The following GABRB1 variants were observed in gnomAD, a reference collection of about 807,000 sequenced individuals.
GABRB1 encodes gamma-aminobutyric acid receptor subunit beta-1.
A neutral mutation model predicts 51.6 loss-of-function variants in GABRB1; 17 were observed. That is an observed-to-expected ratio of 0.33 (90% confidence interval 0.23 to 0.49). The LOEUF is 0.49. Among genes scored for constraint, GABRB1 ranks in the 20% least tolerant of loss-of-function variants. GABRB1 has a pLI of 0.99. For synonymous variants in GABRB1, 247 were observed against 218.9 expected (o/e 1.13, Z -1.14); for missense variants, 410 against 600.6 (o/e 0.68, Z 3.32).
chr4:47,160,486 G>T (rs1311543837), intron 3 of GABRB1, among the ~76,000 whole-genome samples: 1 of 152,112 alleles, frequency 6.6e-6, no homozygotes, highest in Admixed American at 6.6e-5. Flanking sequence ...TCATTCAAAA[G>T]AATTTGGGGT....
intron 4 of GABRB1, among the ~76,000 whole-genome samples, chr4:47,181,148 G>A (rs1165032310): frequency 6.6e-6 from 1 of 151,802 alleles, no homozygotes; most frequent in African/African-American, 2.4e-5. Flanking sequence ...TCCTTTTATA[G>A]CTCCTACTAG....
intron 7 of GABRB1, among the ~76,000 whole-genome samples, chr4:47,404,642 A>G (rs1728509613): frequency 2.0e-5 from 3 of 152,310 alleles, no homozygotes; most frequent in Middle Eastern, 3.4e-3. Context: ...ACTACAGCTT[A>G]TTTGTAATGG....
intron 3 of GABRB1, among the ~76,000 whole-genome samples, chr4:47,108,991 A>T (rs1714028417): frequency 6.6e-6 from 1 of 152,062 alleles, no homozygotes. Context: ...TATTACTTTG[A>T]GCTGCTTTGG....
intron 3 of GABRB1, among the ~76,000 whole-genome samples, chr4:47,042,050 C>A (rs1050209969): frequency 6.6e-6 from 1 of 151,964 alleles, no homozygotes; most frequent in Non-Finnish European, 1.5e-5. Flanking sequence ...GTCTTCCTAA[C>A]CTTGCCTTTA....
At chr4:47,140,376 A>G (rs1209723471) in intron 3 of GABRB1, among the ~76,000 whole-genome samples, 1 of 151,994 alleles carries the variant, frequency 6.6e-6, no homozygotes, top group Non-Finnish European at 1.5e-5. Context: ...ATGACTTTGC[A>G]TGGTACAGAT....
intron 4 of GABRB1, among the ~76,000 whole-genome samples, chr4:47,253,885 G>C (rs187638735): frequency 3.3e-5 from 5 of 152,232 alleles, no homozygotes; most frequent in Admixed American, 2.6e-4. Flanking sequence ...ATAGTTAATG[G>C]AATGGTAATT....
chr4:47,418,953 A>G (rs899533580), intron 8 of GABRB1, among the ~76,000 whole-genome samples: 3 of 152,228 alleles, frequency 2.0e-5, no homozygotes, highest in African/African-American at 4.8e-5. Flanking sequence ...TGTGAGCATG[A>G]ATATAATGTT....
chr4:47,394,730 A>G (rs1728122897), intron 5 of GABRB1, among the ~76,000 whole-genome samples: 1 of 151,706 alleles, frequency 6.6e-6, no homozygotes, highest in Non-Finnish European at 1.5e-5. Flanking sequence ...TTTTCATCAC[A>G]TTAAAAAAAA....
Position 47,334,700 on chromosome 4 carries a change from G to T in GABRB1, c.544+14491G>T, listed in dbSNP as rs375514470. On this transcript the variant is annotated intron_variant, in intron 5 of 8. Coordinates refer to ENST00000295454, the MANE Select transcript of GABRB1 (RefSeq NM_000812.4). ...GAAGGAGCACATAGTTTACACCTCC[G>T]CTATCTAGAGGTCTGCAATTTAATG... Among the ~76,000 whole-genome samples, 4 of 152,250 alleles carry T rather than the reference G, an allele frequency of 2.6e-5. No individual in the cohort carries two copies. The East Asian group carries it at 7.7e-4, about 29-fold the overall frequency.
intron 4 of GABRB1, among the ~76,000 whole-genome samples, chr4:47,234,854 G>A (rs2109840164): frequency 6.6e-6 from 1 of 152,262 alleles, no homozygotes; most frequent in Non-Finnish European, 1.5e-5. Flanking sequence ...CCCTTTAGCA[G>A]AAAACAATCA....
chr4:47,301,160 A>G (rs4235145), intron 4 of GABRB1, among the ~76,000 whole-genome samples: 147,604 of 152,206 alleles, frequency 0.97, 71,678 homozygotes, highest in East Asian at 1. Flanking sequence ...TTTCATTTCT[A>G]GGAACCAAAA....
At chr4:47,401,015 G>A (rs1054117631) in intron 5 of GABRB1, among the ~76,000 whole-genome samples, 8 of 136,156 alleles carry the variant, frequency 5.9e-5, no homozygotes, top group African/African-American at 1.7e-4. Context: ...TGCAAGCTCC[G>A]CCTCCGGGGT....
chr4:47,278,020 C>T (rs1034699967), intron 4 of GABRB1, among the ~76,000 whole-genome samples: 8 of 151,998 alleles, frequency 5.3e-5, no homozygotes, highest in African/African-American at 1.9e-4. Context: ...ATAGCCCTGC[C>T]CTGAAGCCCC....
chr4:47,415,224 G>T (rs1728872315), intron 8 of GABRB1, among the ~76,000 whole-genome samples: 1 of 152,202 alleles, frequency 6.6e-6, no homozygotes, highest in Non-Finnish European at 1.5e-5. Flanking sequence ...GAATAAAAGA[G>T]GAGGGAGAGG....
At chr4:47,371,304 A>T (rs1727185009) in intron 5 of GABRB1, among the ~76,000 whole-genome samples, 1 of 152,144 alleles carries the variant, frequency 6.6e-6, no homozygotes, top group East Asian at 1.9e-4. Flanking sequence ...TCCATGGTGT[A>T]TATGTACCAC....
chr4:47,351,444 A>C (rs1021179012), intron 5 of GABRB1, among the ~76,000 whole-genome samples: 14 of 152,120 alleles, frequency 9.2e-5, no homozygotes, highest in Non-Finnish European at 8.8e-5. Flanking sequence ...GTTTTAGGGT[A>C]CATGTGCACG....
rs369364494 is a variant in GABRB1 at position 47,032,503 on chromosome 4, G to C, written c.240+19G>C. Reference sequence around the variant, plus strand: ...GAATATGGTGAGTGGCCTCCCGAGGGGCCCGGCGGTTCGGCTTACGCAGAT... The same window carrying C: ...GAATATGGTGAGTGGCCTCCCGAGGCGCCCGGCGGTTCGGCTTACGCAGAT... On this transcript the variant is annotated intron_variant, in intron 3 of 8. Transcript: ENST00000295454. 10 of 1,612,776 alleles carry C rather than the reference G, an allele frequency of 6.2e-6. No homozygotes were observed. Among genetic ancestry groups the C allele is most frequent in the African/African-American group, 2.7e-5 (2 of 75,020 alleles).
intron 4 of GABRB1, among the ~76,000 whole-genome samples, chr4:47,172,124 AT>A (rs1718463798): frequency 6.6e-6 from 1 of 152,144 alleles, no homozygotes; most frequent in Non-Finnish European, 1.5e-5. Context: ...CATGCTGTTT[AT>A]GGATTACGCA....
At chr4:47,033,054 G>T in intron 3 of GABRB1, 1 of 269,572 alleles carries the variant, frequency 3.7e-6, no homozygotes. Context: ...TAGGAAAAGT[G>T]CCCGAGCCTG....
Sources: gnomAD v4.1 joint callset for allele counts (sites outside exome capture counted in the v4.1 genomes callset) on GRCh38, gnomAD v4.1.1 for gene constraint, MANE v1.5 for transcripts, NCBI Gene and HGNC (gene_info 2026-07-23, HGNC 2026-07-21) for gene names.